The following ENTREP1 variants were observed in gnomAD, a reference collection of about 807,000 sequenced individuals.
ENTREP1 encodes the protein Friedreich ataxia region gene X123.
chr9:69,382,356 ATC>A, the ENTREP1 span: 2 of 152,280 alleles, frequency 1.3e-5, no homozygotes, highest in East Asian at 3.9e-4. Flanking sequence ...AAGGGGGAGA[ATC>A]TCTCTTTCAT....
the ENTREP1 span, among the ~76,000 whole-genome samples, chr9:69,338,575 A>G: frequency 6.6e-6 from 1 of 152,226 alleles, no homozygotes; most frequent in Non-Finnish European, 1.5e-5. Context: ...GCAGCCTTAA[A>G]TGAAAATGGC....
chr9:69,338,212 AGCC>A, the ENTREP1 span, among the ~76,000 whole-genome samples: 1,073 of 152,338 alleles, frequency 7.0e-3, 7 homozygotes, highest in African/African-American at 0.025. Context: ...TGAGTTGTAT[AGCC>A]TGTGTTATAA....
chr9:69,351,037 TAGA>T, the ENTREP1 span, among the ~76,000 whole-genome samples: 3 of 152,218 alleles, frequency 2.0e-5, no homozygotes, highest in East Asian at 1.9e-4. Context: ...TTGGTAATCT[TAGA>T]AGAAGATTGC....
chr9:69,325,775 C>T, the ENTREP1 span: 2 of 1,215,450 alleles, frequency 1.6e-6, no homozygotes, highest in African/African-American at 3.1e-5. Context: ...TGATAGGGGG[C>T]TCTGGTCGTT....
At chr9:69,372,679 T>C in the ENTREP1 span, among the ~76,000 whole-genome samples, 1 of 152,210 alleles carries the variant, frequency 6.6e-6, no homozygotes, top group African/African-American at 2.4e-5. Context: ...GATCCTGGTT[T>C]TAATTCTTTT....
the ENTREP1 span, chr9:69,377,726 C>A: frequency 6.2e-7 from 1 of 1,613,616 alleles, no homozygotes; most frequent in Admixed American, 1.7e-5. Flanking sequence ...TACTCGTGCA[C>A]ACCCCGGATG....
At chr9:69,340,994 A>G in the ENTREP1 span, among the ~76,000 whole-genome samples, 1 of 152,226 alleles carries the variant, frequency 6.6e-6, no homozygotes, top group African/African-American at 2.4e-5. Context: ...TGTCTGGTCT[A>G]GGCACCTCAG....
chr9:69,387,752 C>G, the ENTREP1 span: 14 of 460,266 alleles, frequency 3.0e-5, no homozygotes, highest in South Asian at 2.9e-4. Context: ...CCCTTCCTCT[C>G]TTAATTGACT....
At chr9:69,367,903 A>G in the ENTREP1 span, among the ~76,000 whole-genome samples, 1 of 146,566 alleles carries the variant, frequency 6.8e-6, no homozygotes, top group Non-Finnish European at 1.5e-5. Flanking sequence ...ATATACATAT[A>G]TACATATACA....
the ENTREP1 span, among the ~76,000 whole-genome samples, chr9:69,328,388 A>C: frequency 3.9e-5 from 6 of 152,214 alleles, no homozygotes; most frequent in South Asian, 2.1e-4. Context: ...CATTCCCTTC[A>C]ATTTTAAATC....
the ENTREP1 span, among the ~76,000 whole-genome samples, chr9:69,328,441 G>A: frequency 6.6e-6 from 1 of 152,220 alleles, no homozygotes; most frequent in South Asian, 2.1e-4. Context: ...GTAGAAAGAA[G>A]GGTGTAATGA....
At chr9:69,340,666 C>CATGTGTGTGCGTGCAT in the ENTREP1 span, among the ~76,000 whole-genome samples, 2 of 108,650 alleles carry the variant, frequency 1.8e-5, no homozygotes, top group Non-Finnish European at 3.7e-5. Context: ...TGTGTGTGTG[C>CATGTGTGTGCGTGCAT]GTGTGTGTGT....
chr9:69,357,368 G>C, the ENTREP1 span, among the ~76,000 whole-genome samples: 1 of 152,176 alleles, frequency 6.6e-6, no homozygotes, highest in South Asian at 2.1e-4. Flanking sequence ...CCTGTTGAAA[G>C]AGGAATGAGA....
At chr9:69,382,867 G>C in the ENTREP1 span, 1 of 250,104 alleles carries the variant, frequency 4.0e-6, no homozygotes, top group Non-Finnish European at 6.3e-6. Context: ...ACAAACTTTT[G>C]TTCTCTTTTT....
chr9:69,356,229 T>TA, the ENTREP1 span, among the ~76,000 whole-genome samples: 1 of 152,374 alleles, frequency 6.6e-6, no homozygotes, highest in South Asian at 2.1e-4. Flanking sequence ...AGTGGAATCA[T>TA]ACAATATTCG....
the ENTREP1 span, among the ~76,000 whole-genome samples, chr9:69,369,593 G>A: frequency 8.3e-6 from 1 of 119,916 alleles, no homozygotes; most frequent in East Asian, 2.5e-4. Flanking sequence ...GAGATGATGA[G>A]CTTTTTTTTT....
chr9:69,391,887 C>G, the ENTREP1 span: 2 of 1,284,510 alleles, frequency 1.6e-6, no homozygotes, highest in South Asian at 2.7e-5. Flanking sequence ...TGGTCCACCT[C>G]AAAAAAAAGG....
the ENTREP1 span, among the ~76,000 whole-genome samples, chr9:69,341,925 C>T: frequency 6.6e-6 from 1 of 151,864 alleles, no homozygotes. Flanking sequence ...AAGAGATTTT[C>T]CCAAGGTCTA....
the ENTREP1 span, chr9:69,382,293 A>C: frequency 6.6e-6 from 1 of 152,254 alleles, no homozygotes. Context: ...GTTCTTAAAC[A>C]GTTTCAGTGG....
Sources: gnomAD v4.1 joint callset for allele counts (sites outside exome capture counted in the v4.1 genomes callset) on GRCh38, gnomAD v4.1.1 for gene constraint, MANE v1.5 for transcripts, NCBI Gene and HGNC (gene_info 2026-07-23, HGNC 2026-07-21) for gene names.